BMP6: variants seen among roughly 807,000 people sequenced by gnomAD.
The protein encoded by BMP6 is bone morphogenetic protein 6, also known as VG-1-R.
A neutral mutation model predicts 54.1 loss-of-function variants in BMP6; 17 were observed. The observed-to-expected ratio is 0.31, with a 90% confidence interval of 0.22 to 0.47. BMP6 has a LOEUF of 0.47. Ranked by LOEUF, BMP6 falls within the 20% of genes least tolerant of loss-of-function variation. The pLI is 1.00. For synonymous variants in BMP6, 328 were observed against 291.2 expected, an observed-to-expected ratio of 1.13 and a Z score of -1.28; for missense variants, 720 against 690.4, an observed-to-expected ratio of 1.04 and a Z score of -0.48.
chr6:7,731,765 G>C (rs147377788), intron 1 of BMP6, among the ~76,000 whole-genome samples: 1 of 152,242 alleles, frequency 6.6e-6, no homozygotes, highest in Non-Finnish European at 1.5e-5. Context: ...AAATCATCGT[G>C]CTTTATTAAT....
At chr6:7,861,197 G>A (rs1266400319) in intron 2 of BMP6, among the ~76,000 whole-genome samples, 2 of 45,320 alleles carry the variant, frequency 4.4e-5, no homozygotes, top group African/African-American at 1.7e-4. Flanking sequence ...AAAGTTGAGA[G>A]GGTCTGCCGT....
At chr6:7,795,201 A>C (rs1758174666) in intron 1 of BMP6, among the ~76,000 whole-genome samples, 1 of 152,170 alleles carries the variant, frequency 6.6e-6, no homozygotes, top group South Asian at 2.1e-4. Context: ...GGGGAGAAAC[A>C]CAAGGGCAGA....
At chr6:7,856,594 C>CTTTTTTTTTTTTTTTT (rs1561792989) in intron 2 of BMP6, among the ~76,000 whole-genome samples, 3 of 77,252 alleles carry the variant, frequency 3.9e-5, no homozygotes, top group African/African-American at 1.2e-4. Flanking sequence ...TTATCAAGAG[C>CTTTTTTTTTTTTTTTT]ATTTTTTTTT....
chr6:7,785,625 A>G (rs736681), intron 1 of BMP6, among the ~76,000 whole-genome samples: 12,094 of 152,182 alleles, frequency 0.079, 1,578 homozygotes, highest in African/African-American at 0.27. Context: ...GACTCTTCCC[A>G]TGTCTGCTGC....
At chr6:7,856,580 C>T (rs1291150879) in intron 2 of BMP6, among the ~76,000 whole-genome samples, 1 of 146,148 alleles carries the variant, frequency 6.8e-6, no homozygotes, top group East Asian at 2.0e-4. Context: ...ATATAAATGC[C>T]AGTTTATCAA....
At chr6:7,824,525 A>C (rs775321727) in intron 1 of BMP6, among the ~76,000 whole-genome samples, 10 of 152,224 alleles carry the variant, frequency 6.6e-5, no homozygotes, top group Non-Finnish European at 1.0e-4. Context: ...GGGAAGCCCT[A>C]ACTGAATATC....
rs191167487 is a variant in BMP6, at chr6:7,798,078, C to G, written c.665-47062C>G. ...CTCTAGTACTCTCTCTAAGTCTAAT[C>G]TTATAGTCTGTTAACTAGTTGACTT... is the stretch of plus-strand genomic sequence containing the variant. On this transcript the variant is annotated intron_variant, in intron 1 of 6. Transcript: ENST00000283147. 4.0e-3 allele frequency among the ~76,000 whole-genome samples: 610 copies of G among 152,300 alleles called. 5 individuals are homozygous for G. The highest frequency in any genetic ancestry group is 0.014 in the African/African-American group (582 of 41,564).
intron 5 of BMP6, 91 bp from the exon 6 acceptor site, chr6:7,879,900 G>GA (rs1351007375): frequency 2.9e-6 from 4 of 1,356,728 alleles, no homozygotes; most frequent in Admixed American, 1.7e-5. Context: ...TGTGCAATGT[G>GA]AAAAATACCT....
intron 1 of BMP6, among the ~76,000 whole-genome samples, chr6:7,787,041 A>C (rs1392415421): frequency 6.6e-6 from 1 of 152,192 alleles, no homozygotes; most frequent in Non-Finnish European, 1.5e-5. Flanking sequence ...TAAAGTGACG[A>C]GTGTAAGTTC....
intron 1 of BMP6, among the ~76,000 whole-genome samples, chr6:7,749,925 T>A (rs1757398443): frequency 6.6e-6 from 1 of 152,172 alleles, no homozygotes; most frequent in African/African-American, 2.4e-5. Context: ...ATCAAGTGGT[T>A]CATGGGCCAG....
At chr6:7,813,158 G>A (rs1286958848) in intron 1 of BMP6, among the ~76,000 whole-genome samples, 1 of 97,488 alleles carries the variant, frequency 1.0e-5, no homozygotes, top group Non-Finnish European at 1.9e-5. Flanking sequence ...TAAAATTAGT[G>A]GGCATGGTAG....
intron 2 of BMP6, among the ~76,000 whole-genome samples, chr6:7,848,658 C>G (rs1362655148): frequency 6.6e-6 from 1 of 152,164 alleles, no homozygotes; most frequent in Non-Finnish European, 1.5e-5. Context: ...CTGCTGTTTT[C>G]AGTGCATTGG....
At chr6:7,806,331 A>C (rs1046465129) in intron 1 of BMP6, among the ~76,000 whole-genome samples, 1 of 152,252 alleles carries the variant, frequency 6.6e-6, no homozygotes, top group Non-Finnish European at 1.5e-5. Flanking sequence ...TCTATAAGTT[A>C]CATTCCCTGT....
At position 7,803,179 on chromosome 6, in the gene BMP6, G is replaced by A. The variant is rs140103667; in HGVS notation, c.665-41961G>A. Among the ~76,000 whole-genome samples the A allele has an allele frequency of 2.2e-3, 340 of 152,212 alleles. 1 individual carries two copies. The highest frequency in any genetic ancestry group is 3.7e-3 in the Non-Finnish European group (253 of 67,992). On this transcript the variant is annotated intron_variant, in intron 1 of 6. Transcript: ENST00000283147. ...GAGTGGCGCAGGCAGAGGGAGCAGC[G>A]TACATCCACCTCAAGGTAGAAAGAC...
At chr6:7,773,302 C>T (rs1156567624) in intron 1 of BMP6, among the ~76,000 whole-genome samples, 10 of 152,150 alleles carry the variant, frequency 6.6e-5, no homozygotes, top group Admixed American at 6.5e-4. Flanking sequence ...CCGTTTTAGG[C>T]AAAGCCAGAT....
At chr6:7,805,052 G>A (rs925007535) in intron 1 of BMP6, among the ~76,000 whole-genome samples, 1 of 152,128 alleles carries the variant, frequency 6.6e-6, no homozygotes, top group Non-Finnish European at 1.5e-5. Context: ...CAATTTTATT[G>A]TTGAAAGTTT....
At chr6:7,804,285 T>C (rs1314308466) in intron 1 of BMP6, among the ~76,000 whole-genome samples, 1 of 58,932 alleles carries the variant, frequency 1.7e-5, no homozygotes. Flanking sequence ...TTAAAGTAAC[T>C]TTTTTTTTTT....
Position 7,861,450 on chromosome 6 carries a change from G to T in BMP6, c.858-1G>T. On this transcript the variant is annotated splice_acceptor_variant, in intron 2 of 6. Transcript: ENST00000283147. LOFTEE classifies it high-confidence loss of function. Reference sequence around the variant, plus strand: ...ACCAGGCCATTTTTTCTTTCTTTCAGAGACTCTGACCTGTTTTTGTTGGAC... The same window carrying T: ...ACCAGGCCATTTTTTCTTTCTTTCATAGACTCTGACCTGTTTTTGTTGGAC... 6.2e-7 allele frequency: 1 copy of T among 1,613,394 alleles called. No individual in the cohort carries two copies. The highest frequency in any genetic ancestry group is 8.5e-7 in the Non-Finnish European group (1 of 1,179,784).
intron 1 of BMP6, among the ~76,000 whole-genome samples, chr6:7,802,061 C>T (rs1758277192): frequency 6.6e-6 from 1 of 152,200 alleles, no homozygotes; most frequent in Non-Finnish European, 1.5e-5. Context: ...CACAGAGGAC[C>T]TGCCAACAGG....
Sources: gnomAD v4.1 joint callset for allele counts (sites outside exome capture counted in the v4.1 genomes callset) on GRCh38, gnomAD v4.1.1 for gene constraint, MANE v1.5 for transcripts, NCBI Gene and HGNC (gene_info 2026-07-23, HGNC 2026-07-21) for gene names.